The following KLHDC10 variants were observed in gnomAD, a reference collection of about 807,000 sequenced individuals.
KLHDC10 encodes kelch domain-containing protein 10.
Under a neutral mutation model 56.1 loss-of-function variants are expected in KLHDC10, and 24 were observed. The observed-to-expected ratio is 0.43, with a 90% CI of 0.31 to 0.60. The LOEUF (loss-of-function observed/expected upper bound fraction) is 0.60. Ranked by LOEUF, KLHDC10 falls within the 20% of genes least tolerant of loss-of-function variation. The pLI is 0.11. For missense variants in KLHDC10, 349 were observed against 567.0 expected (o/e 0.62, Z 3.91); for synonymous variants, 188 against 207.1 (o/e 0.91, Z 0.79).
intron 1 of KLHDC10, among the ~76,000 whole-genome samples, 165 bp downstream of exon 1, chr7:130,070,974 A>T (rs1466124713): frequency 6.6e-6 from 1 of 152,216 alleles, no homozygotes; most frequent in Admixed American, 6.5e-5. Context: ...GAGGTCAGGG[A>T]GGGAACAGGA....
At chr7:130,071,839 T>A (rs549363252) in intron 1 of KLHDC10, among the ~76,000 whole-genome samples, 3 of 152,366 alleles carry the variant, frequency 2.0e-5, no homozygotes, top group South Asian at 4.1e-4. Flanking sequence ...TGAATTGTGC[T>A]TAAGACTGTA....
At chr7:130,106,200 C>A (rs529432736) in intron 2 of KLHDC10, among the ~76,000 whole-genome samples, 1 of 152,182 alleles carries the variant, frequency 6.6e-6, no homozygotes, top group South Asian at 2.1e-4. Context: ...TATGTAAATT[C>A]TAATGCATGC....
chr7:130,108,427 G>A (rs1297265674), intron 2 of KLHDC10, among the ~76,000 whole-genome samples: 2 of 151,620 alleles, frequency 1.3e-5, no homozygotes, highest in East Asian at 3.9e-4. Flanking sequence ...TCCTGGCCGG[G>A]CACGGTGGCT....
At chr7:130,095,530 A>T (rs1006753968) in intron 1 of KLHDC10, among the ~76,000 whole-genome samples, 1 of 152,198 alleles carries the variant, frequency 6.6e-6, no homozygotes, top group African/African-American at 2.4e-5. Context: ...CATTGATTTA[A>T]AAGACTTAGA....
chr7:130,128,919 T>TATATATATATATATATATATATATACAC (rs1292651924), intron 8 of KLHDC10, among the ~76,000 whole-genome samples: 12 of 115,696 alleles, frequency 1.0e-4, no homozygotes, highest in African/African-American at 3.9e-4. Flanking sequence ...TATATATATA[T>TATATATATATATATATATATATATACAC]ACATACTAGC....
At chr7:130,081,761 A>G (rs754635423) in intron 1 of KLHDC10, among the ~76,000 whole-genome samples, 1 of 152,210 alleles carries the variant, frequency 6.6e-6, no homozygotes, top group Non-Finnish European at 1.5e-5. Flanking sequence ...ATCTATTAAT[A>G]TGTCCCTTAC....
Position 130,116,390 on chromosome 7 carries a change from T to C in KLHDC10, c.254-55T>C, listed in dbSNP as rs2116901993. On this transcript the variant is annotated intron_variant, in intron 2 of 9. Transcript: ENST00000335420. This position sits in a 1 kb window ranked among gnomAD's most constrained non-coding sequence, Gnocchi z 4.8. ...CTAAAATGGTTGTTACCTAATTTTG[T>C]TTGTGCTTTTAAACTGGTAGGACAC... is the stretch of plus-strand genomic sequence containing the variant. The C allele has an allele frequency of 2.2e-6, 3 of 1,393,278 alleles. No homozygotes were observed. Among genetic ancestry groups the C allele is most frequent in the Middle Eastern group, 1.8e-4 (1 of 5,512 alleles). The allele number at this position is 1,393,278 out of a possible 1,614,324, so 86.3% of individuals were successfully genotyped here.
intron 3 of KLHDC10, among the ~76,000 whole-genome samples, chr7:130,119,100 C>A (rs1299497838): frequency 6.6e-6 from 1 of 151,376 alleles, no homozygotes; most frequent in Non-Finnish European, 1.5e-5. Context: ...TCCCAGCTAC[C>A]TGGACATCTG....
intron 2 of KLHDC10, among the ~76,000 whole-genome samples, chr7:130,101,017 A>C (rs2116876588): frequency 6.6e-6 from 1 of 152,088 alleles, no homozygotes; most frequent in Non-Finnish European, 1.5e-5. Flanking sequence ...AAAACAAAAA[A>C]AACAGAAAAG....
chr7:130,134,609 G>C lies in KLHDC10; in HGVS notation c.*3863G>C, dbSNP rs1796443060. ...TTGAATGATCCTCTAAGACTGTGTT[G>C]GTCTTCGTATTCTGTAAAACCCATT... On this transcript the variant is annotated 3_prime_UTR_variant, in exon 10 of 10. Transcript: ENST00000335420. The C allele has an allele frequency of 6.6e-6, 1 of 150,624 alleles. No homozygotes were observed. The highest frequency in any genetic ancestry group is 1.5e-5 in the Non-Finnish European group (1 of 67,556). 9.3% of individuals were successfully genotyped at this position (150,624 alleles called of 1,614,324 possible).
intron 1 of KLHDC10, among the ~76,000 whole-genome samples, chr7:130,094,583 T>C (rs906222315): frequency 6.6e-6 from 1 of 152,210 alleles, no homozygotes. Context: ...TAATCTTTCC[T>C]GTATTTTTTC....
intron 2 of KLHDC10, 75 bp downstream of exon 2, chr7:130,097,082 A>G (rs1584626816): frequency 1.9e-6 from 2 of 1,031,790 alleles, no homozygotes; most frequent in East Asian, 4.9e-5. Flanking sequence ...CTAAGCTCAA[A>G]ACTCTGGTTT....
chr7:130,128,986 G>A (rs1796358653), intron 8 of KLHDC10, among the ~76,000 whole-genome samples: 1 of 142,534 alleles, frequency 7.0e-6, no homozygotes, highest in Non-Finnish European at 1.5e-5. Context: ...TTTCCAACTT[G>A]CCTTGAAAAA....
Position 130,127,468 on chromosome 7 carries a change from A to G in KLHDC10, c.979+17A>G. 1 of 1,579,000 alleles carries G rather than the reference A, an allele frequency of 6.3e-7. No individual in the cohort carries two copies. The highest frequency in any genetic ancestry group is 8.7e-7 in the Non-Finnish European group (1 of 1,148,264). The stretch of plus-strand genomic sequence containing the variant: ...TAAAAAATGGTAAGGATTCTAAATA[A>G]CATTTTGCTTCCATTTCTGTAATTG... On this transcript the variant is annotated intron_variant, in intron 8 of 9. Transcript: ENST00000335420.
At chr7:130,128,318 T>A (rs558797765) in intron 8 of KLHDC10, among the ~76,000 whole-genome samples, 47 of 152,248 alleles carry the variant, frequency 3.1e-4, no homozygotes, top group Non-Finnish European at 5.6e-4. Context: ...AGACCTGAGT[T>A]AAGAAATTTA....
chr7:130,114,561 A>AT (rs1335672389), intron 2 of KLHDC10, among the ~76,000 whole-genome samples: 1 of 152,084 alleles, frequency 6.6e-6, no homozygotes, highest in Non-Finnish European at 1.5e-5. Flanking sequence ...AGGAGCTCTT[A>AT]TTTTTTCTTC....
chr7:130,080,285 T>C (rs1795585569), intron 1 of KLHDC10, among the ~76,000 whole-genome samples: 1 of 152,164 alleles, frequency 6.6e-6, no homozygotes, highest in Admixed American at 6.5e-5. Context: ...TGTGGTTAAA[T>C]GGCATTGAAG....
chr7:130,094,395 T>A (rs1314115492), intron 1 of KLHDC10, among the ~76,000 whole-genome samples: 1 of 152,184 alleles, frequency 6.6e-6, no homozygotes, highest in East Asian at 1.9e-4. Flanking sequence ...CTTTCCAGTA[T>A]TTTTTTCTAA....
chr7:130,073,672 A>G (rs1439938302), intron 1 of KLHDC10, among the ~76,000 whole-genome samples: 1 of 152,064 alleles, frequency 6.6e-6, no homozygotes, highest in Non-Finnish European at 1.5e-5. Flanking sequence ...CTTACTTTTT[A>G]CATCTCAACC....
Sources: gnomAD v4.1 joint callset for allele counts (sites outside exome capture counted in the v4.1 genomes callset) on GRCh38, gnomAD v4.1.1 for gene constraint, Gnocchi (gnomAD v3.1) non-coding constraint, MANE v1.5 for transcripts, NCBI Gene and HGNC (gene_info 2026-07-23, HGNC 2026-07-21) for gene names.